The following KCNMA1 variants were observed in gnomAD, a reference collection of about 807,000 sequenced individuals.
KCNMA1 encodes the protein Calcium-activated potassium channel subunit alpha-1.
Under a neutral mutation model 140.0 loss-of-function variants are expected in KCNMA1, and 29 were observed. The ratio of observed to expected loss-of-function variants is 0.21; its 90% confidence interval spans 0.15 to 0.28. The LOEUF (loss-of-function observed/expected upper bound fraction) is 0.28, where lower values mean the gene tolerates loss of function less well. KCNMA1 is among the 10% of genes least tolerant of loss of function. KCNMA1 has a pLI of 1.00. For synonymous variants in KCNMA1, 612 were observed against 611.9 expected (o/e 1.00, Z 0.00); for missense variants, 880 against 1,602.2 (o/e 0.55, Z 7.70).
chr10:77,378,623 C>G (rs1489193425), intron 2 of KCNMA1, among the ~76,000 whole-genome samples: 1 of 152,240 alleles, frequency 6.6e-6, no homozygotes, highest in African/African-American at 2.4e-5. Context: ...ATGACATAAG[C>G]TCTCTGATCC....
Position 77,239,500 on chromosome 10 carries a change from T to C in KCNMA1, c.602+11695A>G, listed in dbSNP as rs1029228275. Among the ~76,000 whole-genome samples, 3 of 152,208 alleles carry C rather than the reference T, an allele frequency of 2.0e-5. No individual in the cohort carries two copies. In the East Asian group the frequency reaches 5.8e-4, roughly 29 times the overall value. On this transcript the variant is annotated intron_variant, in intron 3 of 27. Coordinates refer to ENST00000286628, the MANE Select transcript of KCNMA1 (RefSeq NM_001161352.2). ...CTTGTTAAGGACAACTGCATTCTAG[T>C]AGATTCCACCATCAGAGGTCCTGGA...
intron 1 of KCNMA1, among the ~76,000 whole-genome samples, chr10:77,572,081 A>G (rs1476180603): frequency 6.6e-6 from 1 of 152,180 alleles, no homozygotes; most frequent in East Asian, 1.9e-4. Flanking sequence ...ATTAGAACAG[A>G]GCAGAGTGGA....
chr10:77,133,298 T>A (rs2097903891), intron 5 of KCNMA1, among the ~76,000 whole-genome samples: 2 of 151,798 alleles, frequency 1.3e-5, no homozygotes, highest in Admixed American at 6.5e-5. Context: ...ATAATAAAAT[T>A]AAATTAAAAT....
intron 23 of KCNMA1, among the ~76,000 whole-genome samples, chr10:76,930,798 T>C (rs2152688673): frequency 6.6e-6 from 1 of 152,290 alleles, no homozygotes; most frequent in South Asian, 2.1e-4. Flanking sequence ...TATAATGGAA[T>C]ATTATTCAGC....
chr10:77,568,168 G>C (rs2069120667), intron 1 of KCNMA1, among the ~76,000 whole-genome samples: 1 of 152,140 alleles, frequency 6.6e-6, no homozygotes, highest in Admixed American at 6.5e-5. Context: ...AGGAGGAACT[G>C]GTACCATTCC....
intron 25 of KCNMA1, among the ~76,000 whole-genome samples, chr10:76,906,120 T>A (rs750423872): frequency 6.6e-6 from 1 of 152,212 alleles, no homozygotes; most frequent in African/African-American, 2.4e-5. Flanking sequence ...GGAATCCAGA[T>A]CTAAGCCATC....
At chr10:77,559,202 C>G (rs1416927222) in intron 1 of KCNMA1, among the ~76,000 whole-genome samples, 1 of 152,192 alleles carries the variant, frequency 6.6e-6, no homozygotes, top group Non-Finnish European at 1.5e-5. Context: ...GGCTGAGAAG[C>G]ACACACTGGT....
chr10:77,173,248 T>C (rs747126005), intron 5 of KCNMA1, among the ~76,000 whole-genome samples: 1 of 152,148 alleles, frequency 6.6e-6, no homozygotes, highest in Non-Finnish European at 1.5e-5. Context: ...GGCTGGTAAG[T>C]TATTAAAAAT....
At chr10:77,002,708 A>C (rs1484209054) in intron 18 of KCNMA1, among the ~76,000 whole-genome samples, 2 of 152,176 alleles carry the variant, frequency 1.3e-5, no homozygotes, top group Non-Finnish European at 2.9e-5. Flanking sequence ...TTTGCCTTTC[A>C]AGCCAATTTA....
At chr10:76,915,616 T>C (rs995585212) in intron 23 of KCNMA1, among the ~76,000 whole-genome samples, 1 of 152,178 alleles carries the variant, frequency 6.6e-6, no homozygotes, top group Non-Finnish European at 1.5e-5. Flanking sequence ...GATTTGTTTG[T>C]TTGTTTGTTT....
intron 1 of KCNMA1, among the ~76,000 whole-genome samples, chr10:77,461,475 G>A (rs551525103): frequency 2.1e-4 from 32 of 152,252 alleles, no homozygotes; most frequent in Admixed American, 1.7e-3. Flanking sequence ...ACACAGTGAC[G>A]GCAGAGTCAG....
chr10:77,581,007 C>G (rs1279297172), intron 1 of KCNMA1, among the ~76,000 whole-genome samples: 1 of 152,234 alleles, frequency 6.6e-6, no homozygotes, highest in African/African-American at 2.4e-5. Context: ...TACAGGTCCC[C>G]ACACCTGGGA....
intron 19 of KCNMA1, 157 bp from the exon 20 acceptor site, chr10:76,970,224 C>T (rs1300474421): frequency 1.5e-6 from 1 of 664,176 alleles, no homozygotes; most frequent in Non-Finnish European, 2.8e-6. Flanking sequence ...ATGTGTTAGT[C>T]AAAGAGGCCG....
At chr10:77,636,462 C>T (rs2093744200) in intron 1 of KCNMA1, 1 of 1,536,202 alleles carries the variant, frequency 6.5e-7, no homozygotes, top group East Asian at 2.4e-5. Flanking sequence ...CAGGCGGACT[C>T]CCGCTCCAGC....
intron 5 of KCNMA1, among the ~76,000 whole-genome samples, chr10:77,154,506 T>C (rs1231557805): frequency 1.3e-5 from 2 of 152,118 alleles, no homozygotes; most frequent in East Asian, 1.9e-4. Context: ...AAAGAGAAAA[T>C]AGAATGATGA....
intron 24 of KCNMA1, chr10:76,911,535 C>G (rs763550885): frequency 6.6e-6 from 1 of 152,190 alleles, no homozygotes; most frequent in Non-Finnish European, 1.5e-5. Flanking sequence ...GGAGTTACAG[C>G]AGCTCTCTCA....
intron 26 of KCNMA1, 151 bp downstream of exon 26, chr10:76,891,374 G>C: frequency 1.4e-6 from 1 of 699,658 alleles, no homozygotes; most frequent in Non-Finnish European, 2.5e-6. Context: ...CTGATCCAGA[G>C]TAAACTATAA....
At chr10:77,378,922 C>T (rs1415443983) in intron 2 of KCNMA1, among the ~76,000 whole-genome samples, 2 of 152,158 alleles carry the variant, frequency 1.3e-5, no homozygotes, top group Non-Finnish European at 2.9e-5. Context: ...TCACCCCATC[C>T]TCTGATTCAA....
At chr10:77,568,906 T>G (rs1254278447) in intron 1 of KCNMA1, among the ~76,000 whole-genome samples, 2 of 150,610 alleles carry the variant, frequency 1.3e-5, no homozygotes, top group Non-Finnish European at 3.0e-5. Flanking sequence ...ACAAAATCAA[T>G]GTACAAAAAT....
Sources: allele counts gnomAD v4.1 joint callset (sites outside exome capture counted in the v4.1 genomes callset), GRCh38; gene constraint gnomAD v4.1.1; transcripts MANE v1.5; gene names NCBI Gene and HGNC (gene_info 2026-07-23, HGNC 2026-07-21).